The following LUZP2 variants were observed in gnomAD, a reference collection of about 807,000 sequenced individuals.
LUZP2 encodes leucine zipper protein 2.
In LUZP2, 52 loss-of-function variants were observed where a neutral mutation model predicts 51.6. That is an observed-to-expected ratio of 1.01 (90% CI 0.81 to 1.27). The LOEUF is 1.27. LUZP2 is among the 50% of genes most tolerant of loss of function. LUZP2 has a pLI of 0.00. For missense variants in LUZP2, 436 were observed against 395.4 expected, an observed-to-expected ratio of 1.10 and a Z score of -0.87; for synonymous variants, 154 against 137.3, an observed-to-expected ratio of 1.12 and a Z score of -0.85.
chr11:24,990,180 C>CT (rs2133924715), intron 9 of LUZP2, among the ~76,000 whole-genome samples: 1 of 152,046 alleles, frequency 6.6e-6, no homozygotes, highest in African/African-American at 2.4e-5. Context: ...ATTTTACTAC[C>CT]TTTTTCGAGG....
intron 9 of LUZP2, among the ~76,000 whole-genome samples, chr11:25,032,816 C>T (rs929005533): frequency 1.3e-5 from 2 of 152,138 alleles, no homozygotes; most frequent in Admixed American, 6.6e-5. Flanking sequence ...ACAATACATT[C>T]ATTGTTGATA....
chr11:24,758,188 T>C (rs1859842755), intron 4 of LUZP2, among the ~76,000 whole-genome samples: 1 of 152,082 alleles, frequency 6.6e-6, no homozygotes. Flanking sequence ...AAAATACACA[T>C]CATGATCAAT....
At chr11:24,578,651 G>A (rs1435421234) in intron 1 of LUZP2, among the ~76,000 whole-genome samples, 6 of 151,976 alleles carry the variant, frequency 3.9e-5, no homozygotes, top group Admixed American at 3.9e-4. Flanking sequence ...TGCAGCTGGA[G>A]GCCTTATCCT....
intron 5 of LUZP2, among the ~76,000 whole-genome samples, chr11:24,779,024 AT>A (rs1000735306): frequency 4.5e-4 from 69 of 152,154 alleles, no homozygotes; most frequent in Non-Finnish European, 6.2e-4. Context: ...CATTTCAGAA[AT>A]GTGTGTGTGT....
intron 1 of LUZP2, among the ~76,000 whole-genome samples, chr11:24,655,600 A>G (rs554731068): frequency 2.0e-5 from 3 of 152,342 alleles, no homozygotes; most frequent in African/African-American, 7.2e-5. Context: ...CAGATCATAA[A>G]GAAATGCATG....
intron 8 of LUZP2, among the ~76,000 whole-genome samples, chr11:24,980,709 C>G (rs1562269): frequency 0.97 from 147,319 of 151,826 alleles, 71,507 homozygotes; most frequent in East Asian, 1. Flanking sequence ...TAGGAAAGAA[C>G]CATTCCTGGA....
intron 4 of LUZP2, among the ~76,000 whole-genome samples, chr11:24,762,208 A>G (rs1860007474): frequency 6.6e-6 from 1 of 152,156 alleles, no homozygotes; most frequent in Admixed American, 6.6e-5. Flanking sequence ...CCAATGACTC[A>G]GTCTATCTTC....
intron 5 of LUZP2, among the ~76,000 whole-genome samples, chr11:24,844,729 G>A (rs922788700): frequency 1.3e-5 from 2 of 152,100 alleles, no homozygotes; most frequent in Admixed American, 6.5e-5. Context: ...AGTGTCCTGT[G>A]TCCCAGCCAC....
At chr11:25,063,639 A>C (rs1452731235) in intron 10 of LUZP2, among the ~76,000 whole-genome samples, 2 of 151,924 alleles carry the variant, frequency 1.3e-5, no homozygotes, top group Non-Finnish European at 2.9e-5. Flanking sequence ...ATGGCATTGC[A>C]TTAATGCAAA....
At chr11:24,788,147 A>G (rs1849300114) in intron 5 of LUZP2, among the ~76,000 whole-genome samples, 1 of 144,726 alleles carries the variant, frequency 6.9e-6, no homozygotes, top group Admixed American at 6.9e-5. Flanking sequence ...TAATTCTTTC[A>G]CTGTAACAGA....
intron 1 of LUZP2, among the ~76,000 whole-genome samples, chr11:24,710,296 T>G (rs991049038): frequency 6.6e-6 from 1 of 152,140 alleles, no homozygotes; most frequent in Non-Finnish European, 1.5e-5. Context: ...CCCCCTTCTT[T>G]TAGAGTTTTT....
chr11:24,775,974 TG>T (rs1208860522), intron 5 of LUZP2, among the ~76,000 whole-genome samples: 1 of 152,324 alleles, frequency 6.6e-6, no homozygotes, highest in East Asian at 1.9e-4. Context: ...TATTGGGTTC[TG>T]AGTTAAAATT....
intron 5 of LUZP2, among the ~76,000 whole-genome samples, chr11:24,879,308 C>T (rs1326352961): frequency 4.6e-5 from 7 of 152,068 alleles, no homozygotes; most frequent in Non-Finnish European, 8.8e-5. Context: ...TTTCTTTATC[C>T]AGTCTATCAT....
intron 5 of LUZP2, chr11:24,890,870 C>A (rs976165556): frequency 2.6e-5 from 25 of 954,480 alleles, no homozygotes; most frequent in Non-Finnish European, 2.9e-5. Context: ...CATTTTAGGG[C>A]CATTTACAGG....
chr11:24,741,719 C>G (rs918502947), intron 4 of LUZP2, among the ~76,000 whole-genome samples: 101 of 149,872 alleles, frequency 6.7e-4, no homozygotes, highest in African/African-American at 2.4e-3. Flanking sequence ...CCAATCTCAT[C>G]CAGGTCACTG....
At chr11:25,044,576 A>G (rs1212099956) in intron 9 of LUZP2, among the ~76,000 whole-genome samples, 2 of 152,094 alleles carry the variant, frequency 1.3e-5, no homozygotes, top group African/African-American at 2.4e-5. Context: ...GAAGAAATGC[A>G]TATTTTCTTC....
At chr11:24,973,921 T>A (rs1037455277) in intron 7 of LUZP2, among the ~76,000 whole-genome samples, 2 of 152,128 alleles carry the variant, frequency 1.3e-5, no homozygotes, top group African/African-American at 4.8e-5. Context: ...TGTTTTTTAA[T>A]GGAGAGTTCT....
At position 24,611,200 on chromosome 11, in the gene LUZP2, AC is replaced by A. The variant is rs2133887184; in HGVS notation, c.62+113896del. Among the ~76,000 whole-genome samples the A allele has an allele frequency of 6.6e-6, 1 of 152,190 alleles. No individual in the cohort carries two copies. Among genetic ancestry groups the A allele is most frequent in the East Asian group, 1.9e-4 (1 of 5,180 alleles). Reference sequence around the variant, plus strand: ...ATTCATTCAAAAATAGTCAACTTTTACTTTGTGCCGAGGTTGTGCTAGCTAC... The same window carrying A: ...ATTCATTCAAAAATAGTCAACTTTTATTTGTGCCGAGGTTGTGCTAGCTAC... On this transcript the variant is annotated intron_variant, in intron 1 of 11. Coordinates refer to ENST00000336930, the MANE Select transcript of LUZP2 (RefSeq NM_001009909.4). The surrounding 1 kb of genome is among the most constrained non-coding windows in gnomAD (Gnocchi z 4.6).
intron 9 of LUZP2, among the ~76,000 whole-genome samples, chr11:25,021,834 A>G (rs981046460): frequency 2.6e-5 from 4 of 152,028 alleles, no homozygotes; most frequent in African/African-American, 9.7e-5. Context: ...ATTGGAGCCC[A>G]TGGAGATCAG....
Sources: allele counts gnomAD v4.1 joint callset (sites outside exome capture counted in the v4.1 genomes callset), GRCh38; gene constraint gnomAD v4.1.1; non-coding constraint Gnocchi (gnomAD v3.1); transcripts MANE v1.5; gene names NCBI Gene and HGNC (gene_info 2026-07-23, HGNC 2026-07-21).